The following NPC1 variants were observed in gnomAD, a reference collection of about 807,000 sequenced individuals.
The protein encoded by NPC1 is NPC intracellular cholesterol transporter 1.
In NPC1, 85 loss-of-function variants were observed where a neutral mutation model predicts 140.4. The ratio of observed to expected loss-of-function variants is 0.61; its 90% CI spans 0.51 to 0.72. NPC1 has a LOEUF of 0.72. Ranked by LOEUF, NPC1 falls within the 30% of genes least tolerant of loss-of-function variation. The pLI is 0.00. For synonymous variants in NPC1, 656 were observed against 624.8 expected (o/e 1.05, Z -0.74); for missense variants, 1,504 against 1,623.8 (o/e 0.93, Z 1.27).
chr18:23,566,006 T>C (rs1043251702), intron 4 of NPC1, among the ~76,000 whole-genome samples: 1 of 152,198 alleles, frequency 6.6e-6, no homozygotes, highest in Non-Finnish European at 1.5e-5. Flanking sequence ...TATTTTATGT[T>C]TCAAGCATAC....
intron 4 of NPC1, among the ~76,000 whole-genome samples, chr18:23,567,805 G>A (rs1247271095): frequency 1.3e-5 from 2 of 152,316 alleles, no homozygotes; most frequent in African/African-American, 4.8e-5. Flanking sequence ...TGTAAGTGGT[G>A]GAGTACATTA....
At chr18:23,530,861 G>T (rs540677326), downstream of NPC1, among the ~76,000 whole-genome samples, 1 of 152,290 alleles carries the variant, frequency 6.6e-6, no homozygotes, top group South Asian at 2.1e-4. Flanking sequence ...CCCAGATCAG[G>T]CACAGCCCAT....
Position 23,531,536 on chromosome 18 carries a change from T to TA in NPC1, c.*665dup. 1 of 1,539,652 alleles carries TA rather than the reference T, an allele frequency of 6.5e-7. No individual in the cohort carries two copies. Among genetic ancestry groups the TA allele is most frequent in the African/African-American group, 1.4e-5 (1 of 72,018 alleles). ...TGTATTTTATTAAAGAAAAATAAGT[T>TA]AAAACCCAGTAGACACACCTACGAG... On this transcript the variant is annotated 3_prime_UTR_variant, in exon 25 of 25. Transcript: ENST00000269228.
At chr18:23,536,245 C>T (rs1567946294) in intron 21 of NPC1, among the ~76,000 whole-genome samples, 1 of 152,182 alleles carries the variant, frequency 6.6e-6, no homozygotes, top group East Asian at 1.9e-4. Flanking sequence ...ATACATAATA[C>T]TTTTCTTCCT....
At chr18:23,534,654 A>G in intron 22 of NPC1, 95 bp from the exon 23 acceptor site, 5 of 938,502 alleles carry the variant, frequency 5.3e-6, no homozygotes, top group Non-Finnish European at 8.4e-6. Flanking sequence ...TACCCAGGGC[A>G]CCCTGGGTGC....
At chr18:23,513,699 C>T (rs570622113) in intron 3 of NPC1, among the ~76,000 whole-genome samples, 25 of 152,318 alleles carry the variant, frequency 1.6e-4, no homozygotes, top group Middle Eastern at 3.4e-3. Context: ...TCCTCACCAA[C>T]ACTTGCTGTT....
chr18:23,572,247 G>C (rs2059214835), intron 2 of NPC1, 67 bp from the exon 3 acceptor site: 2 of 1,007,796 alleles, frequency 2.0e-6, no homozygotes, highest in Admixed American at 1.8e-5. Flanking sequence ...ATTCCTCAGT[G>C]AACTAAGACA....
intron 1 of NPC1, among the ~76,000 whole-genome samples, chr18:23,580,901 C>T (rs1005493568): frequency 5.3e-5 from 8 of 152,180 alleles, no homozygotes; most frequent in African/African-American, 1.4e-4. Flanking sequence ...CTTCTATTGA[C>T]GGAAATCTCT....
At position 23,554,923 on chromosome 18, in the gene NPC1, G is replaced by A. The variant is rs2058928378; in HGVS notation, c.1388C>T (p.Thr463Ile). ...ITASYDNETVTLQDICLAPLS... is the reference protein window; with the variant it reads ...ITASYDNETVILQDICLAPLS... ...AGGGGCCAAGCAGATGTCTTGAAGTGTCACAGTCTCATTGTCATAAGAGGC... is the reference window on the plus strand; with the variant it reads ...AGGGGCCAAGCAGATGTCTTGAAGTATCACAGTCTCATTGTCATAAGAGGC... The change falls in exon 9 of 25, where the codon ACA (threonine) becomes ATA (isoleucine). Residue 463 changes from threonine (T) to isoleucine (I), a missense_variant. By Grantham distance (89) the Thr-to-Ile change is moderately conservative (BLOSUM62 -1). Coordinates refer to ENST00000269228, the MANE Select transcript of NPC1 (RefSeq NM_000271.5). 1 of 1,614,148 alleles carries A rather than the reference G, an allele frequency of 6.2e-7. No homozygotes were observed.
rs1555634618 is a variant in NPC1 at position 23,544,952 on chromosome 18, C to CCCCG, written c.1947+7_1947+8insCGGG. The CCCCG allele has an allele frequency of 1.3e-3, 1,863 of 1,425,682 alleles. 12 individuals are homozygous for CCCCG. Among genetic ancestry groups the CCCCG allele is most frequent in the Admixed American group, 0.011 (609 of 54,574 alleles). The allele number at this position is 1,425,682 out of a possible 1,614,324, so 88.3% of individuals were successfully genotyped here. On this transcript the variant is annotated splice_region_variant and intron_variant, in intron 12 of 24. Transcript: ENST00000269228. The stretch of plus-strand genomic sequence containing the variant: ...CTCTAGAACATACACCACCCCCCCC[C>CCCCG]GGCTTACCAGAAGCCTGCGACAGCT...
chr18:23,525,120 A>G (rs149201247), downstream of NPC1, among the ~76,000 whole-genome samples: 897 of 150,312 alleles, frequency 6.0e-3, 8 homozygotes, highest in African/African-American at 0.02. Flanking sequence ...CTAATTTTGT[A>G]TTTTTAGTAG....
Position 23,586,421 on chromosome 18 carries a change from G to A in NPC1, c.-78C>T, listed in dbSNP as rs935690148. The A allele has an allele frequency of 2.6e-6, 4 of 1,524,936 alleles. No homozygotes were observed. Among genetic ancestry groups the A allele is most frequent in the Non-Finnish European group, 3.5e-6 (4 of 1,142,498 alleles). The allele number at this position is 1,524,936 out of a possible 1,614,324, so 94.5% of individuals were successfully genotyped here. On this transcript the variant is annotated 5_prime_UTR_variant, in exon 1 of 25. Transcript: ENST00000269228. ...CCCGGAGGCGGCTCTACTTCCCCGG[G>A]CTGTTTCAGCACCCCGCGCAGGAGG...
At chr18:23,564,657 CAA>C (rs1463317818) in intron 4 of NPC1, among the ~76,000 whole-genome samples, 1 of 152,162 alleles carries the variant, frequency 6.6e-6, no homozygotes, top group African/African-American at 2.4e-5. Flanking sequence ...CTCTGAAATA[CAA>C]ACTTTTTTAT....
chr18:23,539,776 G>T (rs548443114), intron 18 of NPC1, 35 bp downstream of exon 18: 1 of 1,605,226 alleles, frequency 6.2e-7, no homozygotes, highest in Non-Finnish European at 8.5e-7. Flanking sequence ...AGCCTCCTCC[G>T]CTGCTTCTGA....
At chr18:23,539,530 T>C in intron 18 of NPC1, 60 bp from the exon 19 acceptor site, 1 of 1,198,436 alleles carries the variant, frequency 8.3e-7, no homozygotes, top group Non-Finnish European at 1.2e-6. Flanking sequence ...TTAGTTTCAG[T>C]ACTTTTTCTT....
In NPC1 at chr18:23,548,047, A is replaced by C. The variant is rs2058813768; in HGVS notation, c.1716T>G (p.Asn572Lys). 6.2e-7 allele frequency: 1 copy of C among 1,612,274 alleles called. No homozygotes were observed. Among genetic ancestry groups the C allele is most frequent in the Admixed American group, 1.7e-5 (1 of 60,032 alleles). The change falls in exon 11 of 25, where the codon AAT (asparagine) becomes AAG (lysine). Residue 572 changes from asparagine to lysine, a missense_variant. Coordinates refer to ENST00000269228, the MANE Select transcript of NPC1 (RefSeq NM_000271.5). ...GGGCCCTCTGGAGCTTCTCTGTATC[A>C]TTATAGTAATTATTGACAGGGAAGG... ...VITFPVNNYY[N>K]DTEKLQRAQA...
At chr18:23,550,020 G>T (rs1489971211) in intron 10 of NPC1, among the ~76,000 whole-genome samples, 25 of 140,402 alleles carry the variant, frequency 1.8e-4, no homozygotes, top group African/African-American at 6.3e-4. Flanking sequence ...TTTTTGTCCA[G>T]TTTTTTTTTT....
At chr18:23,532,375 G>A (rs576414658) in intron 24 of NPC1, 91 bp from the exon 25 acceptor site, 1 of 1,379,620 alleles carries the variant, frequency 7.2e-7, no homozygotes, top group Non-Finnish European at 1.0e-6. Context: ...TCCCACTTTG[G>A]AAGACTGAGG....
At position 23,554,821 on chromosome 18, in the gene NPC1, T is replaced by C. The variant is rs2145447292; in HGVS notation, c.1490A>G (p.His497Arg). The change falls in exon 9 of 25, where the codon CAC (histidine) becomes CGC (arginine). Residue 497 changes from histidine to arginine, a missense_variant. Coordinates refer to ENST00000269228, the MANE Select transcript of NPC1 (RefSeq NM_000271.5). ...YFQNSHSVLD[H>R]KKGDDFFVYA... ...CACAAAGAAGTCGTCCCCTTTCTTGTGGTCCAGCACGGAATGGCTGTTCTG... is the reference window on the plus strand; with the variant it reads ...CACAAAGAAGTCGTCCCCTTTCTTGCGGTCCAGCACGGAATGGCTGTTCTG... 6.2e-7 allele frequency: 1 copy of C among 1,614,172 alleles called. No individual in the cohort carries two copies. The highest frequency in any genetic ancestry group is 8.5e-7 in the Non-Finnish European group (1 of 1,180,032).
Sources: allele counts gnomAD v4.1 joint callset (sites outside exome capture counted in the v4.1 genomes callset), GRCh38; gene constraint gnomAD v4.1.1; transcripts MANE v1.5; gene names NCBI Gene and HGNC (gene_info 2026-07-23, HGNC 2026-07-21).